The following RAB27B variants were observed in gnomAD, a reference collection of about 807,000 sequenced individuals.
The protein encoded by RAB27B is ras-related protein Rab-27B.
Under a neutral mutation model 24.6 loss-of-function variants are expected in RAB27B, and 15 were observed. The ratio of observed to expected loss-of-function variants is 0.61; its 90% CI spans 0.41 to 0.94. The LOEUF is 0.94. Among genes scored for constraint, RAB27B ranks in the 40% least tolerant of loss-of-function variants. RAB27B has a pLI of 0.00. For missense variants in RAB27B, 261 were observed against 266.8 expected (o/e 0.98, Z 0.15); for synonymous variants, 105 against 92.5 (o/e 1.14, Z -0.78).
At chr18:54,719,783 T>A (rs958842641) in intron 2 of RAB27B, among the ~76,000 whole-genome samples, 3 of 152,236 alleles carry the variant, frequency 2.0e-5, no homozygotes, top group East Asian at 3.9e-4. Flanking sequence ...TTTAAAATGC[T>A]TCCTATATTC....
chr18:54,772,321 G>A (rs1908576241), intron 2 of RAB27B, among the ~76,000 whole-genome samples: 1 of 152,190 alleles, frequency 6.6e-6, no homozygotes, highest in Non-Finnish European at 1.5e-5. Flanking sequence ...ACATGCTATG[G>A]ACCCAGGGGG....
intron 2 of RAB27B, among the ~76,000 whole-genome samples, chr18:54,727,021 T>A (rs1909560715): frequency 6.6e-6 from 1 of 152,234 alleles, no homozygotes; most frequent in Non-Finnish European, 1.5e-5. Flanking sequence ...TTGCTCCTGT[T>A]GTCCAGGCTG....
chr18:54,879,658 A>G, intron 3 of RAB27B: 1 of 494,844 alleles, frequency 2.0e-6, no homozygotes, highest in Non-Finnish European at 3.6e-6. Context: ...AATTTCAAAA[A>G]TCAGACTTTC....
chr18:54,734,164 G>T (rs1447547295), intron 2 of RAB27B, among the ~76,000 whole-genome samples: 2 of 152,112 alleles, frequency 1.3e-5, no homozygotes, highest in Non-Finnish European at 2.9e-5. Flanking sequence ...TTTAGTCCTG[G>T]TGATTAATTT....
chr18:54,763,783 A>T (rs1206677092), intron 2 of RAB27B, among the ~76,000 whole-genome samples: 1 of 152,142 alleles, frequency 6.6e-6, no homozygotes, highest in Non-Finnish European at 1.5e-5. Context: ...CATTTTAAGT[A>T]CTAAAGTCCC....
intron 2 of RAB27B, among the ~76,000 whole-genome samples, chr18:54,783,482 T>G (rs934746522): frequency 2.9e-5 from 1 of 34,132 alleles, no homozygotes; most frequent in African/African-American, 1.2e-4. Flanking sequence ...CCTATGGCTT[T>G]GTGTGTGTGT....
chr18:54,763,958 A>T, intron 2 of RAB27B, among the ~76,000 whole-genome samples: 1 of 152,014 alleles, frequency 6.6e-6, no homozygotes, highest in Middle Eastern at 3.4e-3. Flanking sequence ...TTATCTGTGG[A>T]ATTTGTCACC....
chr18:54,847,623 T>C (rs925960482), intron 1 of RAB27B, among the ~76,000 whole-genome samples: 1 of 152,236 alleles, frequency 6.6e-6, no homozygotes, highest in Non-Finnish European at 1.5e-5. Context: ...ACTACTGATG[T>C]TAAAATTTTC....
At chr18:54,817,936 A>G (rs866121987) in intron 2 of RAB27B, among the ~76,000 whole-genome samples, 1 of 152,084 alleles carries the variant, frequency 6.6e-6, no homozygotes, top group Admixed American at 6.6e-5. Context: ...TTTCATCTGT[A>G]GGAAGGGAGG....
At chr18:54,722,701 C>T (rs922312466) in intron 2 of RAB27B, among the ~76,000 whole-genome samples, 3 of 152,200 alleles carry the variant, frequency 2.0e-5, no homozygotes, top group Admixed American at 2.0e-4. Context: ...CATAGGCGTG[C>T]AGCCATGAAA....
At chr18:54,776,083 T>A (rs1908705867) in intron 2 of RAB27B, among the ~76,000 whole-genome samples, 1 of 152,254 alleles carries the variant, frequency 6.6e-6, no homozygotes, top group Non-Finnish European at 1.5e-5. Flanking sequence ...CAAATTAAAT[T>A]GAATTTGCTT....
upstream of RAB27B, chr18:54,828,170 G>C (rs1190705455): frequency 6.6e-6 from 1 of 152,134 alleles, no homozygotes; most frequent in Non-Finnish European, 1.5e-5. Flanking sequence ...TCGGAGGAGA[G>C]AACGCAATGT....
At chr18:54,889,096 C>T (rs988875164) in intron 5 of RAB27B, 128 bp from the exon 6 acceptor site, 9 of 892,994 alleles carry the variant, frequency 1.0e-5, no homozygotes, top group Middle Eastern at 3.1e-4. Context: ...CCAACTTAGC[C>T]AGCAAAACCA....
chr18:54,873,325 T>C (rs1598982692), intron 1 of RAB27B, among the ~76,000 whole-genome samples: 1 of 152,218 alleles, frequency 6.6e-6, no homozygotes, highest in Non-Finnish European at 1.5e-5. Context: ...GGCTTGTCTG[T>C]ATCTAAAAGT....
intron 2 of RAB27B, 65 bp downstream of exon 2, chr18:54,877,803 G>A (rs1054828343): frequency 3.9e-5 from 57 of 1,468,698 alleles, no homozygotes; most frequent in Non-Finnish European, 4.7e-5. Flanking sequence ...GAATCAAGAA[G>A]CTATGTTTAT....
chr18:54,850,734 T>C (rs1911550237), intron 1 of RAB27B, among the ~76,000 whole-genome samples: 1 of 151,572 alleles, frequency 6.6e-6, no homozygotes, highest in Non-Finnish European at 1.5e-5. Flanking sequence ...ACTTATTCAG[T>C]GCTTTTCCTT....
intron 2 of RAB27B, among the ~76,000 whole-genome samples, chr18:54,749,399 A>G (rs955475969): frequency 2.0e-5 from 3 of 152,048 alleles, no homozygotes; most frequent in Admixed American, 2.0e-4. Context: ...GCTTGACTTC[A>G]CCAAAGGCAT....
At chr18:54,784,682 A>G (rs945655870) in intron 2 of RAB27B, among the ~76,000 whole-genome samples, 8 of 152,150 alleles carry the variant, frequency 5.3e-5, no homozygotes, top group Non-Finnish European at 2.9e-5. Context: ...TCCATGGTAT[A>G]TACATATCTC....
intron 1 of RAB27B, among the ~76,000 whole-genome samples, chr18:54,831,059 C>A (rs35413162): frequency 6.6e-6 from 1 of 151,866 alleles, no homozygotes; most frequent in East Asian, 1.9e-4. Flanking sequence ...ACCAGGGAGA[C>A]AAAGACCAAC....
Sources: gnomAD v4.1 joint callset for allele counts (sites outside exome capture counted in the v4.1 genomes callset) on GRCh38, gnomAD v4.1.1 for gene constraint, MANE v1.5 for transcripts, NCBI Gene and HGNC (gene_info 2026-07-23, HGNC 2026-07-21) for gene names.